The following LEKR1 variants were observed in gnomAD, a reference collection of about 807,000 sequenced individuals.
The protein encoded by LEKR1 is protein LEKR1.
Under a neutral mutation model 72.4 loss-of-function variants are expected in LEKR1, and 59 were observed. The ratio of observed to expected loss-of-function variants is 0.82; its 90% CI spans 0.66 to 1.01. The LOEUF (loss-of-function observed/expected upper bound fraction) is 1.01, where lower values mean the gene tolerates loss of function less well. Among genes scored for constraint, LEKR1 ranks in the 50% least tolerant of loss-of-function variants. The pLI is 0.00. For synonymous variants in LEKR1, 257 were observed against 263.2 expected (o/e 0.98, Z 0.23); for missense variants, 728 against 759.2 (o/e 0.96, Z 0.48).
chr3:156,919,564 A>G (rs1723996791), intron 3 of LEKR1, among the ~76,000 whole-genome samples: 2 of 152,206 alleles, frequency 1.3e-5, no homozygotes, highest in African/African-American at 4.8e-5. Flanking sequence ...AGCTGAATGT[A>G]ATGCCTCAGT....
chr3:156,943,588 C>T (rs1364804490), intron 6 of LEKR1, among the ~76,000 whole-genome samples: 1 of 151,818 alleles, frequency 6.6e-6, no homozygotes, highest in Non-Finnish European at 1.5e-5. Context: ...TCATGCTTGT[C>T]CCACTGTGTC....
intron 10 of LEKR1, among the ~76,000 whole-genome samples, chr3:157,022,109 G>A (rs776567633): frequency 6.6e-6 from 1 of 152,108 alleles, no homozygotes; most frequent in Non-Finnish European, 1.5e-5. Flanking sequence ...ACAGGCCAAG[G>A]CAGCAAAGCG....
At position 157,007,051 on chromosome 3, in the gene LEKR1, A is replaced by C. The variant is rs530019212; in HGVS notation, c.1110-4362A>C. 7.2e-5 allele frequency among the ~76,000 whole-genome samples: 11 copies of C among 152,148 alleles called. No homozygotes were observed. In the East Asian group the frequency reaches 1.5e-3, roughly 21 times the overall value. ...CGTCTCTACTAAAAAAATACAAAAA[A>C]AATAGCCGGGCGTGGTGGCGGGCGC... On this transcript the variant is annotated intron_variant, in intron 9 of 12. Coordinates refer to ENST00000356539, the MANE Select transcript of LEKR1 (RefSeq NM_001004316.3).
chr3:156,960,349 G>A (rs918591481), intron 6 of LEKR1, among the ~76,000 whole-genome samples: 2 of 152,070 alleles, frequency 1.3e-5, no homozygotes, highest in Non-Finnish European at 2.9e-5. Context: ...GCAGTGGCGC[G>A]ATCTCGGCTC....
intron 6 of LEKR1, among the ~76,000 whole-genome samples, chr3:156,943,776 A>G (rs1204422987): frequency 1.3e-5 from 2 of 152,050 alleles, no homozygotes; most frequent in Middle Eastern, 3.4e-3. Flanking sequence ...ACCACAGACT[A>G]CAGAAATCTG....
chr3:156,988,957 G>C (rs530746741), intron 7 of LEKR1, among the ~76,000 whole-genome samples: 1 of 151,850 alleles, frequency 6.6e-6, no homozygotes, highest in Non-Finnish European at 1.5e-5. Flanking sequence ...TCAGCCTCCC[G>C]AGTAGCTGAG....
intron 10 of LEKR1, among the ~76,000 whole-genome samples, chr3:157,011,796 A>G (rs920881225): frequency 1.3e-5 from 2 of 152,128 alleles, no homozygotes; most frequent in African/African-American, 4.8e-5. Flanking sequence ...CTCCTCATCA[A>G]CTATCACAAT....
chr3:156,911,232 CAAAAAA>C (rs1723078880), intron 3 of LEKR1, among the ~76,000 whole-genome samples: 1 of 96,040 alleles, frequency 1.0e-5, no homozygotes, highest in Non-Finnish European at 2.3e-5. Flanking sequence ...TATTTTTTCT[CAAAAAA>C]TTTTCTTTGA....
chr3:156,971,039 C>T (rs973178578), intron 6 of LEKR1, among the ~76,000 whole-genome samples: 3 of 151,900 alleles, frequency 2.0e-5, no homozygotes, highest in Non-Finnish European at 2.9e-5. Flanking sequence ...CAAGTCAATC[C>T]TAAGCCAAAA....
chr3:156,861,467 T>C (rs1313122721), intron 3 of LEKR1, among the ~76,000 whole-genome samples: 1 of 152,126 alleles, frequency 6.6e-6, no homozygotes, highest in Non-Finnish European at 1.5e-5. Context: ...TAGGGAACTA[T>C]TTTCAATCTC....
chr3:157,014,995 A>G (rs1733192989), intron 10 of LEKR1, among the ~76,000 whole-genome samples: 1 of 152,166 alleles, frequency 6.6e-6, no homozygotes. Flanking sequence ...AAAACAAATA[A>G]AACAGTGAGG....
chr3:156,919,351 G>T (rs979463970), intron 3 of LEKR1, among the ~76,000 whole-genome samples: 5 of 145,264 alleles, frequency 3.4e-5, no homozygotes, highest in Non-Finnish European at 7.4e-5. Context: ...GGTCTACTTT[G>T]TATTACGAGC....
intron 3 of LEKR1, among the ~76,000 whole-genome samples, chr3:156,895,886 C>T (rs974281929): frequency 6.6e-6 from 1 of 152,102 alleles, no homozygotes; most frequent in Non-Finnish European, 1.5e-5. Context: ...ATAAATCATT[C>T]TATTATAAAG....
At chr3:156,829,976 AC>A (rs1284281588) in intron 2 of LEKR1, among the ~76,000 whole-genome samples, 2 of 152,248 alleles carry the variant, frequency 1.3e-5, no homozygotes, top group Non-Finnish European at 2.9e-5. Context: ...TTTGTCATTT[AC>A]TACCATAAAA....
chr3:156,905,668 A>G (rs1722454809), intron 3 of LEKR1, among the ~76,000 whole-genome samples: 2 of 152,256 alleles, frequency 1.3e-5, no homozygotes, highest in South Asian at 2.1e-4. Context: ...TTCTGGTTGT[A>G]TTAAATACTA....
intron 10 of LEKR1, among the ~76,000 whole-genome samples, chr3:157,014,484 G>A (rs528144971): frequency 4.8e-4 from 73 of 152,090 alleles, no homozygotes; most frequent in African/African-American, 1.7e-3. Flanking sequence ...CAAAATTAAA[G>A]AACCAAATGA....
intron 3 of LEKR1, among the ~76,000 whole-genome samples, chr3:156,871,100 TC>T (rs1230840386): frequency 6.6e-6 from 1 of 151,864 alleles, no homozygotes; most frequent in Non-Finnish European, 1.5e-5. Context: ...ATGCTATCTC[TC>T]CCCCCTCCCC....
intron 1 of LEKR1, among the ~76,000 whole-genome samples, chr3:156,827,405 A>G (rs1711767837): frequency 6.6e-6 from 1 of 152,220 alleles, no homozygotes; most frequent in South Asian, 2.1e-4. Flanking sequence ...TTAGGAGGAA[A>G]GCCGTTAGCT....
chr3:156,846,639 C>T (rs1714634825), intron 2 of LEKR1, among the ~76,000 whole-genome samples: 1 of 152,102 alleles, frequency 6.6e-6, no homozygotes, highest in African/African-American at 2.4e-5. Flanking sequence ...ATTTACTAAA[C>T]ACTCATTGTT....
Sources: gnomAD v4.1 joint callset for allele counts (sites outside exome capture counted in the v4.1 genomes callset) on GRCh38, gnomAD v4.1.1 for gene constraint, MANE v1.5 for transcripts, NCBI Gene and HGNC (gene_info 2026-07-23, HGNC 2026-07-21) for gene names.